The following PTPN13 variants were observed in gnomAD, a reference collection of about 807,000 sequenced individuals.
PTPN13 encodes tyrosine-protein phosphatase non-receptor type 13.
Under a neutral mutation model 284.0 loss-of-function variants are expected in PTPN13, and 191 were observed. That is an observed-to-expected ratio of 0.67 (90% CI 0.60 to 0.76). The LOEUF is 0.76. Among genes scored for constraint, PTPN13 ranks in the 30% least tolerant of loss-of-function variants. The pLI, the probability that PTPN13 is intolerant of heterozygous loss-of-function variation, is 0.00. For synonymous variants in PTPN13, 986 were observed against 1,022.3 expected, an observed-to-expected ratio of 0.96 and a Z score of 0.68; for missense variants, 2,797 against 2,939.9, an observed-to-expected ratio of 0.95 and a Z score of 1.12.
intron 1 of PTPN13, among the ~76,000 whole-genome samples, chr4:86,632,658 C>T (rs1219871001): frequency 6.6e-6 from 1 of 151,338 alleles, no homozygotes; most frequent in Non-Finnish European, 1.5e-5. Context: ...TCTTCTTTCC[C>T]TTCTCTCCTT....
intron 19 of PTPN13, 87 bp downstream of exon 19, chr4:86,751,211 T>G: frequency 9.9e-7 from 1 of 1,009,754 alleles, no homozygotes; most frequent in Non-Finnish European, 1.5e-6. Flanking sequence ...CAAATTATTT[T>G]GGGTTCCATG....
intron 12 of PTPN13, 144 bp from the exon 13 acceptor site, chr4:86,734,159 C>G (rs1735242331): frequency 4.6e-6 from 3 of 647,022 alleles, no homozygotes; most frequent in Non-Finnish European, 7.5e-6. Context: ...TGTCTCAGAG[C>G]TCCCTGCCAC....
chr4:86,751,140 CTTACCT>C lies in PTPN13; in HGVS notation c.3166+18_3166+23del. ...TATGTTCTAGGTCAGCAAAAACAAG[CTTACCT>C]TCTTTGTCCCATACCTCATGCTCAG... On this transcript the variant is annotated intron_variant, in intron 19 of 47. Coordinates refer to ENST00000411767, the MANE Select transcript of PTPN13 (RefSeq NM_080683.3). The C allele has an allele frequency of 6.6e-7, 1 of 1,514,268 alleles. No individual in the cohort carries two copies. The allele number at this position is 1,514,268 out of a possible 1,614,324, so 93.8% of individuals were successfully genotyped here.
chr4:86,728,772 T>C lies in PTPN13; in HGVS notation c.1609-3628T>C, dbSNP rs539339526. ...GATGGGTCTCCTGAATACAGCACACTGATGAGTCTTGACTCTTTATCCAAT... is the reference window on the plus strand; with the variant it reads ...GATGGGTCTCCTGAATACAGCACACCGATGAGTCTTGACTCTTTATCCAAT... On this transcript the variant is annotated intron_variant, in intron 10 of 47. Transcript: ENST00000411767. Among the ~76,000 whole-genome samples, 47 of 144,106 alleles carry C rather than the reference T, an allele frequency of 3.3e-4. 2 individuals carry two copies. Among genetic ancestry groups the C allele is most frequent in the Middle Eastern group, 6.9e-3 (2 of 288 alleles). The allele number at this position is 144,106 out of a possible 152,430, so 94.5% of individuals were successfully genotyped here. A position where few individuals can be genotyped will look rare whatever the true frequency, so the allele number is the denominator to read the frequency against.
intron 2 of PTPN13, among the ~76,000 whole-genome samples, chr4:86,664,976 G>A (rs1328606107): frequency 6.6e-6 from 1 of 151,370 alleles, no homozygotes; most frequent in African/African-American, 2.4e-5. Context: ...GAAATCAAGA[G>A]ACCTGCTTCC....
intron 1 of PTPN13, among the ~76,000 whole-genome samples, chr4:86,596,303 G>C (rs1763789303): frequency 6.6e-6 from 1 of 152,146 alleles, no homozygotes; most frequent in African/African-American, 2.4e-5. Context: ...CTTTGAATTT[G>C]CATTTGTCCC....
At chr4:86,721,980 C>A (rs1371673104) in intron 9 of PTPN13, among the ~76,000 whole-genome samples, 1 of 151,886 alleles carries the variant, frequency 6.6e-6, no homozygotes, top group Non-Finnish European at 1.5e-5. Flanking sequence ...CTCCTGGACT[C>A]AAGCGATCCA....
At chr4:86,685,720 A>G (rs1729377256) in intron 3 of PTPN13, among the ~76,000 whole-genome samples, 1 of 152,238 alleles carries the variant, frequency 6.6e-6, no homozygotes, top group Non-Finnish European at 1.5e-5. Flanking sequence ...GGTTTGTGAA[A>G]AACTCTTACA....
In PTPN13 at chr4:86,599,793, CTAGT is replaced by C. The variant is rs141844428; in HGVS notation, c.-6+5007_-6+5010del. Among the ~76,000 whole-genome samples, 1,001 of 151,994 alleles carry C rather than the reference CTAGT, an allele frequency of 6.6e-3. 10 individuals carry two copies. Among genetic ancestry groups the C allele is most frequent in the African/African-American group, 0.022 (914 of 41,456 alleles). ...TTCCTCTTTCCTCAGTCTTTTGTAC[CTAGT>C]TAAAGGTTTTTCTTTTCAAAGTTAA... is the stretch of plus-strand genomic sequence containing the variant. On this transcript the variant is annotated intron_variant, in intron 1 of 47. Coordinates refer to ENST00000411767, the MANE Select transcript of PTPN13 (RefSeq NM_080683.3).
intron 2 of PTPN13, among the ~76,000 whole-genome samples, chr4:86,653,174 C>T (rs1725303250): frequency 6.6e-6 from 1 of 152,022 alleles, no homozygotes; most frequent in Non-Finnish European, 1.5e-5. Flanking sequence ...CATTGAGTTT[C>T]CTCCAGACAG....
intron 2 of PTPN13, among the ~76,000 whole-genome samples, chr4:86,645,191 A>G (rs555329703): frequency 1.3e-5 from 2 of 152,142 alleles, no homozygotes; most frequent in Admixed American, 6.5e-5. Flanking sequence ...CCCCGTCTCC[A>G]AAAACAAACA....
chr4:86,711,012 C>T (rs1732341296), intron 7 of PTPN13, among the ~76,000 whole-genome samples: 1 of 151,560 alleles, frequency 6.6e-6, no homozygotes, highest in East Asian at 1.9e-4. Context: ...CAACCTCTGC[C>T]TCCTGGGCTC....
intron 9 of PTPN13, 32 bp downstream of exon 9, chr4:86,717,149 T>A: frequency 7.0e-7 from 1 of 1,425,692 alleles, no homozygotes; most frequent in Non-Finnish European, 9.8e-7. Flanking sequence ...ATGATACATT[T>A]CCAGTGACCA....
intron 7 of PTPN13, among the ~76,000 whole-genome samples, chr4:86,710,939 T>G (rs751837044): frequency 2.6e-5 from 4 of 152,004 alleles, no homozygotes; most frequent in African/African-American, 7.3e-5. Flanking sequence ...TTTGGTTTTT[T>G]TTTGAGAGAG....
chr4:86,801,236 G>T (rs1014996193), intron 42 of PTPN13, among the ~76,000 whole-genome samples: 16 of 152,096 alleles, frequency 1.1e-4, no homozygotes, highest in Non-Finnish European at 1.9e-4. Context: ...GAAAACTATC[G>T]AACACCAGGG....
chr4:86,686,039 A>T (rs1204352805), intron 3 of PTPN13, among the ~76,000 whole-genome samples: 1 of 152,228 alleles, frequency 6.6e-6, no homozygotes, highest in Non-Finnish European at 1.5e-5. Flanking sequence ...CTAAGCATTG[A>T]TATGGAAATA....
intron 20 of PTPN13, among the ~76,000 whole-genome samples, chr4:86,753,731 A>G (rs1469669454): frequency 1.3e-5 from 2 of 152,214 alleles, no homozygotes; most frequent in Admixed American, 6.5e-5. Flanking sequence ...GTATTTTCAT[A>G]TACATTATCT....
chr4:86,662,457 A>ATT (rs1578364965), intron 2 of PTPN13, among the ~76,000 whole-genome samples: 1 of 152,012 alleles, frequency 6.6e-6, no homozygotes, highest in East Asian at 1.9e-4. Context: ...TCAGCCTCCC[A>ATT]AATACCTGGA....
At chr4:86,809,153 T>G (rs557067571) in intron 45 of PTPN13, among the ~76,000 whole-genome samples, 2 of 152,258 alleles carry the variant, frequency 1.3e-5, no homozygotes, top group South Asian at 2.1e-4. Flanking sequence ...GATTAGGTAG[T>G]GTTGCAGTGA....
Sources: allele counts gnomAD v4.1 joint callset (sites outside exome capture counted in the v4.1 genomes callset), GRCh38; gene constraint gnomAD v4.1.1; transcripts MANE v1.5; gene names NCBI Gene and HGNC (gene_info 2026-07-23, HGNC 2026-07-21).